PCDHGA2: variants seen among roughly 807,000 people sequenced by gnomAD.
PCDHGA2 encodes protocadherin gamma-A2.
Under a neutral mutation model 59.2 loss-of-function variants are expected in PCDHGA2, and 40 were observed. The ratio of observed to expected loss-of-function variants is 0.68; its 90% CI spans 0.52 to 0.88. The LOEUF (loss-of-function observed/expected upper bound fraction) is 0.88, where lower values mean the gene tolerates loss of function less well. PCDHGA2 is among the 40% of genes least tolerant of loss of function. The pLI, the probability that PCDHGA2 is intolerant of heterozygous loss-of-function variation, is 0.00. For synonymous variants in PCDHGA2, 560 were observed against 526.0 expected (o/e 1.06, Z -0.89); for missense variants, 1,226 against 1,204.0 (o/e 1.02, Z -0.27).
At chr5:141,484,071 T>C (rs1405337642) in intron 1 of PCDHGA2, among the ~76,000 whole-genome samples, 1 of 152,144 alleles carries the variant, frequency 6.6e-6, no homozygotes, top group Non-Finnish European at 1.5e-5. Flanking sequence ...GTGAAAAGCT[T>C]GCTCTTTTGA....
chr5:141,419,138 A>C, intron 1 of PCDHGA2: 1 of 1,613,920 alleles, frequency 6.2e-7, no homozygotes, highest in Non-Finnish European at 8.5e-7. Context: ...AGCCACAGAC[A>C]GGGGCAAGCC....
intron 1 of PCDHGA2, among the ~76,000 whole-genome samples, chr5:141,460,252 A>T (rs1342135416): frequency 6.6e-6 from 1 of 151,974 alleles, no homozygotes; most frequent in African/African-American, 2.4e-5. Flanking sequence ...AATTTTGATA[A>T]AGCCCAATTT....
chr5:141,344,067 G>A, intron 1 of PCDHGA2: 1 of 1,598,818 alleles, frequency 6.3e-7, no homozygotes, highest in Non-Finnish European at 8.5e-7. Context: ...AAATGGCAGA[G>A]GACTGGCCCT....
At chr5:141,461,133 T>C (rs2099009646) in intron 1 of PCDHGA2, among the ~76,000 whole-genome samples, 1 of 152,086 alleles carries the variant, frequency 6.6e-6, no homozygotes, top group South Asian at 2.1e-4. Flanking sequence ...TAATTACTTA[T>C]TTTCCTTTGG....
chr5:141,374,510 C>A, intron 1 of PCDHGA2: 1 of 1,611,824 alleles, frequency 6.2e-7, no homozygotes, highest in Non-Finnish European at 8.5e-7. Flanking sequence ...AGTGAAAATT[C>A]TCGAAAACGC....
intron 1 of PCDHGA2, chr5:141,427,887 C>T (rs759734297): frequency 3.8e-6 from 6 of 1,565,908 alleles, no homozygotes; most frequent in South Asian, 1.1e-5. Flanking sequence ...GGCCCACGAC[C>T]AGGGCTCGCC....
intron 1 of PCDHGA2, chr5:141,367,871 A>G (rs2149916351): frequency 6.6e-6 from 1 of 152,278 alleles, no homozygotes; most frequent in South Asian, 2.1e-4. Flanking sequence ...GTGTAGGTGC[A>G]ATTCTTCTTT....
intron 1 of PCDHGA2, chr5:141,388,285 C>T (rs773340535): frequency 1.9e-6 from 3 of 1,613,200 alleles, no homozygotes; most frequent in Non-Finnish European, 2.5e-6. Flanking sequence ...CCAAAATTCA[C>T]GCAAAATTCC....
intron 1 of PCDHGA2, chr5:141,342,011 A>G (rs73265812): frequency 6.5e-6 from 1 of 154,276 alleles, no homozygotes; most frequent in African/African-American, 2.4e-5. Flanking sequence ...TTAGTTTTAA[A>G]AATCACATTA....
At chr5:141,430,327 T>C (rs1250968800) in intron 1 of PCDHGA2, among the ~76,000 whole-genome samples, 7 of 152,042 alleles carry the variant, frequency 4.6e-5, no homozygotes, top group Non-Finnish European at 1.5e-5. Context: ...AAAATCATTG[T>C]TTATAGAAAC....
At chr5:141,419,114 A>G in intron 1 of PCDHGA2, 1 of 1,613,926 alleles carries the variant, frequency 6.2e-7, no homozygotes. Flanking sequence ...CCCAGAGTAC[A>G]ACGTCACCAT....
At chr5:141,400,077 C>T in intron 1 of PCDHGA2, 4 of 1,614,040 alleles carry the variant, frequency 2.5e-6, no homozygotes, top group South Asian at 1.1e-5. Context: ...AGCCGCCACT[C>T]TCCGCCACCG....
chr5:141,366,600 T>C, intron 1 of PCDHGA2: 2 of 1,614,036 alleles, frequency 1.2e-6, no homozygotes, highest in Non-Finnish European at 1.7e-6. Context: ...TCCCACGAGG[T>C]CTCCCTCACC....
At chr5:141,384,000 T>C (rs1160567279) in intron 1 of PCDHGA2, 2 of 1,613,774 alleles carry the variant, frequency 1.2e-6, no homozygotes, top group African/African-American at 1.3e-5. Flanking sequence ...CAGTCATTGC[T>C]CTTTTCTACC....
chr5:141,392,883 T>C, intron 1 of PCDHGA2: 1 of 1,613,518 alleles, frequency 6.2e-7, no homozygotes, highest in Non-Finnish European at 8.5e-7. Flanking sequence ...GGGAACGCTG[T>C]GGGAAATCGG....
intron 1 of PCDHGA2, chr5:141,346,505 G>A: frequency 6.2e-7 from 1 of 1,609,546 alleles, no homozygotes; most frequent in Non-Finnish European, 8.5e-7. Context: ...ATGAGAATGT[G>A]GTTATTATAA....
At chr5:141,393,246 A>G (rs1434145740) in intron 1 of PCDHGA2, 2 of 1,613,694 alleles carry the variant, frequency 1.2e-6, no homozygotes, top group Non-Finnish European at 1.7e-6. Flanking sequence ...AATTAACGAA[A>G]TCGCGGTTCC....
rs979237199 is a variant in PCDHGA2, at chr5:141,477,828, G to C, written c.2425-16979G>C. On this transcript the variant is annotated intron_variant, in intron 1 of 3. Transcript: ENST00000394576. This position sits in a 1 kb window ranked among gnomAD's most constrained non-coding sequence, Gnocchi z 4.9. Reference sequence around the variant, plus strand: ...AATGCCCCCCAGGTCCTATATCCTCGGCCAGGTGGGAGCTCGGTGGAGATG... The same window carrying C: ...AATGCCCCCCAGGTCCTATATCCTCCGCCAGGTGGGAGCTCGGTGGAGATG... The C allele has an allele frequency of 3.7e-6, 6 of 1,614,082 alleles. No individual in the cohort carries two copies. The highest frequency in any genetic ancestry group is 3.4e-6 in the Non-Finnish European group (4 of 1,180,006).
intron 1 of PCDHGA2, chr5:141,399,615 A>G (rs756068630): frequency 1.2e-6 from 2 of 1,613,942 alleles, no homozygotes; most frequent in South Asian, 1.1e-5. Context: ...AGCCTCTGGC[A>G]CTGGCCTCTT....
Sources: gnomAD v4.1 joint callset for allele counts (sites outside exome capture counted in the v4.1 genomes callset) on GRCh38, gnomAD v4.1.1 for gene constraint, Gnocchi (gnomAD v3.1) non-coding constraint, MANE v1.5 for transcripts, NCBI Gene and HGNC (gene_info 2026-07-23, HGNC 2026-07-21) for gene names.